The following ISCA2 variants were observed in gnomAD, a reference collection of about 807,000 sequenced individuals.
ISCA2 encodes the protein iron-sulfur cluster assembly 2 homolog, mitochondrial.
A neutral mutation model predicts 19.1 loss-of-function variants in ISCA2; 21 were observed. The observed-to-expected ratio is 1.10, with a 90% CI of 0.78 to 1.59. The LOEUF (loss-of-function observed/expected upper bound fraction) is 1.59. ISCA2 is among the 40% of genes most tolerant of loss of function. ISCA2 has a pLI of 0.00. For synonymous variants in ISCA2, 107 were observed against 83.8 expected (o/e 1.28, Z -1.51); for missense variants, 181 against 191.7 (o/e 0.94, Z 0.33).
At chr14:74,494,445 C>G (rs2086822818) in intron 3 of ISCA2, 55 bp downstream of exon 3, 4 of 1,297,096 alleles carry the variant, frequency 3.1e-6, no homozygotes, top group African/African-American at 1.5e-5. Context: ...AAAAGTGTCT[C>G]CAGTTTAAGG....
In ISCA2 at chr14:74,494,898, G is replaced by T; in HGVS notation, c.363G>T (p.Val121=). ...DSLAFVKGAQ[V]DFSQELIRSS... ...TGGCCTTCGTGAAAGGGGCCCAGGT[G>T]GACTTCAGCCAAGAACTGATCCGAA... Residue 121 remains valine (V), a synonymous_variant, in exon 4 of 4, where the codon GTG becomes GTT. Transcript: ENST00000556816. The T allele has an allele frequency of 6.2e-7, 1 of 1,614,068 alleles. No homozygotes were observed. The highest frequency in any genetic ancestry group is 1.3e-5 in the African/African-American group (1 of 75,032).
rs1387724988 is a variant in ISCA2, at chr14:74,493,802, A to T, written c.28A>T (p.Thr10Ser). The T allele has an allele frequency of 6.5e-7, 1 of 1,539,382 alleles. No homozygotes were observed. Among genetic ancestry groups the T allele is most frequent in the Non-Finnish European group, 8.7e-7 (1 of 1,146,242 alleles). The change falls in exon 1 of 4, where the codon ACG (threonine) becomes TCG (serine). Residue 10 changes from threonine to serine, a missense_variant. Physicochemically the swap from Thr to Ser is moderately conservative, Grantham distance 58. Coordinates refer to ENST00000556816, the MANE Select transcript of ISCA2 (RefSeq NM_194279.4). This position sits in a 1 kb window ranked among gnomAD's most constrained non-coding sequence, Gnocchi z 4.1. ...GGCTGCCGCCTGGGGGTCGTCCCTAACGGCCGCGACGCAGAGAGCGGTCAC... is the reference window on the plus strand; with the variant it reads ...GGCTGCCGCCTGGGGGTCGTCCCTATCGGCCGCGACGCAGAGAGCGGTCAC... Reference protein sequence around the residue: MAAAWGSSLTAATQRAVTPW... With the variant: MAAAWGSSLSAATQRAVTPW...
chr14:74,496,564 G>T lies in ISCA2; in HGVS notation c.*1564G>T, dbSNP rs1354502433. ...AGTACCTGCGCCTGATAGGGTTTCA[G>T]TTCAGACTACCTGTCCTTTCATCCT... On this transcript the variant is annotated 3_prime_UTR_variant, in exon 4 of 4. Coordinates refer to ENST00000556816, the MANE Select transcript of ISCA2 (RefSeq NM_194279.4). 1.3e-5 allele frequency: 2 copies of T among 152,168 alleles called. No homozygotes were observed. The highest frequency in any genetic ancestry group is 2.9e-5 in the Non-Finnish European group (2 of 68,044). 9.4% of individuals were successfully genotyped at this position (152,168 alleles called of 1,614,324 possible).
chr14:74,493,863 G>A lies in ISCA2; in HGVS notation c.71+18G>A, dbSNP rs1189835599. The A allele has an allele frequency of 9.6e-6, 15 of 1,555,336 alleles. No homozygotes were observed. The Admixed American group carries it at 1.4e-4, about 14-fold the overall frequency. ...AGGGGCAGGTACCAAGACTAGAAAG[G>A]CACCTGGAAAGGGTGTTTGGTTCTG... On this transcript the variant is annotated intron_variant, in intron 1 of 3. Transcript: ENST00000556816. The surrounding 1 kb of genome is among the most constrained non-coding windows in gnomAD (Gnocchi z 4.1).
chr14:74,494,947 C>CTTGAGGATTG lies in ISCA2; in HGVS notation c.412_413insTTGAGGATTG (p.Pro138LeufsTer23). On this transcript the variant is annotated frameshift_variant, in exon 4 of 4. Coordinates refer to ENST00000556816, the MANE Select transcript of ISCA2 (RefSeq NM_194279.4). LOFTEE classifies it high-confidence loss of function. Reference sequence around the variant, plus strand: ...AAGCTCATTTCAAGTGTTGAACAATCCTCAAGCACAGCAAGGCTGCTCCTG... The same window carrying CTTGAGGATTG: ...AAGCTCATTTCAAGTGTTGAACAATCTTGAGGATTGCTCAAGCACAGCAAGGCTGCTCCTG... 6.2e-7 allele frequency: 1 copy of CTTGAGGATTG among 1,613,844 alleles called. No homozygotes were observed. Among genetic ancestry groups the CTTGAGGATTG allele is most frequent in the Non-Finnish European group, 8.5e-7 (1 of 1,180,012 alleles).
chr14:74,494,133 T>A lies in ISCA2; in HGVS notation c.155T>A (p.Leu52His). 6.3e-7 allele frequency: 1 copy of A among 1,587,262 alleles called. No individual in the cohort carries two copies. The highest frequency in any genetic ancestry group is 1.1e-5 in the South Asian group (1 of 88,158). ...SPEAGEGQIR[L>H]TDSCVQRLLE... ...GAGGCCGGCGAAGGGCAGATCCGCCTCACAGACAGTTGCGTCCAGGTAGGA... is the reference window on the plus strand; with the variant it reads ...GAGGCCGGCGAAGGGCAGATCCGCCACACAGACAGTTGCGTCCAGGTAGGA... The change falls in exon 2 of 4, where the codon CTC becomes CAC. Residue 52 changes from leucine (L) to histidine (H), a missense_variant. By Grantham distance (99) the Leu-to-His change is moderately conservative. Coordinates refer to ENST00000556816, the MANE Select transcript of ISCA2 (RefSeq NM_194279.4).
intron 3 of ISCA2, 90 bp downstream of exon 3, chr14:74,494,480 G>C: frequency 1.1e-6 from 1 of 926,532 alleles, no homozygotes; most frequent in South Asian, 1.4e-5. Context: ...AAATTTAAAG[G>C]GTTTACCTGG....
rs1006959487 is a variant in ISCA2, at chr14:74,495,671, G to C, written c.*671G>C. 5 of 152,172 alleles carry C rather than the reference G, an allele frequency of 3.3e-5. No individual in the cohort carries two copies. The highest frequency in any genetic ancestry group is 1.2e-4 in the African/African-American group (5 of 41,442). The allele number at this position is 152,172 out of a possible 1,614,324, so 9.4% of individuals were successfully genotyped here. ...CAAAAATAGCCTCCCTACTCATACAGACATTTTAAGATTCTGTGACAATTT... is the reference window on the plus strand; with the variant it reads ...CAAAAATAGCCTCCCTACTCATACACACATTTTAAGATTCTGTGACAATTT... On this transcript the variant is annotated 3_prime_UTR_variant, in exon 4 of 4. Transcript: ENST00000556816.
intron 3 of ISCA2, 48 bp from the exon 4 acceptor site, chr14:74,494,777 CT>C (rs781470563): frequency 1.3e-6 from 2 of 1,562,236 alleles, no homozygotes; most frequent in Non-Finnish European, 1.8e-6. Flanking sequence ...CAGGGGGTGT[CT>C]TTTTTGTGTT....
At chr14:74,494,739 G>A in intron 3 of ISCA2, 87 bp from the exon 4 acceptor site, 1 of 1,190,704 alleles carries the variant, frequency 8.4e-7, no homozygotes, top group South Asian at 1.4e-5. Flanking sequence ...CTGTACTTTA[G>A]AAAACAGAGG....
chr14:74,494,553 GTAAC>G (rs1188730127), intron 3 of ISCA2, 163 bp downstream of exon 3: 1 of 652,396 alleles, frequency 1.5e-6, no homozygotes, highest in Non-Finnish European at 2.6e-6. Context: ...CTGAATCAAA[GTAAC>G]TAAGTTATAG....
In ISCA2 at chr14:74,494,324, A is replaced by T; in HGVS notation, c.224A>T (p.Glu75Val). 6.2e-7 allele frequency: 1 copy of T among 1,614,164 alleles called. No individual in the cohort carries two copies. Among genetic ancestry groups the T allele is most frequent in the Non-Finnish European group, 8.5e-7 (1 of 1,179,998 alleles). The change falls in exon 3 of 4, where the codon GAG becomes GTG. Residue 75 changes from glutamate (E) to valine (V), a missense_variant. By Grantham distance (121) the Glu-to-Val change is moderately radical. Transcript: ENST00000556816. ...EGSEFLRLQV[E>V]GGGCSGFQYK... is the part of the protein sequence containing the mutation. Reference sequence around the variant, plus strand: ...TCAGAATTCCTCAGGCTGCAAGTGGAGGGAGGTGGATGCTCCGGATTCCAA... The same window carrying T: ...TCAGAATTCCTCAGGCTGCAAGTGGTGGGAGGTGGATGCTCCGGATTCCAA...
chr14:74,494,437 A>C, intron 3 of ISCA2, 47 bp downstream of exon 3: 1 of 1,347,744 alleles, frequency 7.4e-7, no homozygotes, highest in Non-Finnish European at 1.1e-6. Flanking sequence ...GGAGGGACAA[A>C]AGTGTCTCCA....
In ISCA2 at chr14:74,494,961, A is replaced by G. The variant is rs2086831769; in HGVS notation, c.426A>G (p.Gln142=). 6.2e-7 allele frequency: 1 copy of G among 1,613,428 alleles called. No individual in the cohort carries two copies. Among genetic ancestry groups the G allele is most frequent in the Non-Finnish European group, 8.5e-7 (1 of 1,180,028 alleles). Reference sequence around the variant, plus strand: ...TGTTGAACAATCCTCAAGCACAGCAAGGCTGCTCCTGTGGGTCATCTTTCT... The same window carrying G: ...TGTTGAACAATCCTCAAGCACAGCAGGGCTGCTCCTGTGGGTCATCTTTCT... ...FQVLNNPQAQ[Q]GCSCGSSFSI... is the part of the protein sequence containing the mutation. The change falls in exon 4 of 4, where the codon CAA becomes CAG. Residue 142 remains glutamine, a synonymous_variant. Transcript: ENST00000556816.
At position 74,494,351 on chromosome 14, in the gene ISCA2, A is replaced by T. The variant is rs2086821314; in HGVS notation, c.251A>T (p.Tyr84Phe). Residue 84 changes from tyrosine (Y) to phenylalanine (F), a missense_variant, in exon 3 of 4, where the codon TAC (tyrosine) becomes TTC (phenylalanine). Transcript: ENST00000556816. ...GGAGGTGGATGCTCCGGATTCCAAT[A>T]CAAATTTTCACTGGATACAGTTATC... ...VEGGGCSGFQ[Y>F]KFSLDTVINP... The T allele has an allele frequency of 6.2e-7, 1 of 1,614,026 alleles. No homozygotes were observed. The highest frequency in any genetic ancestry group is 8.5e-7 in the Non-Finnish European group (1 of 1,179,990).
At position 74,495,146 on chromosome 14, in the gene ISCA2, A is replaced by G. The variant is rs769933767; in HGVS notation, c.*146A>G. On this transcript the variant is annotated 3_prime_UTR_variant, in exon 4 of 4. Transcript: ENST00000556816. ...AGGAGTGTTATGTTTTGCCACTATT[A>G]TTTTCAGAATGTGAAGATTTTACTC... 1.7e-5 allele frequency: 11 copies of G among 640,578 alleles called. No homozygotes were observed. The highest frequency in any genetic ancestry group is 6.3e-5 in the Admixed American group (2 of 31,892). 39.7% of individuals were successfully genotyped at this position (640,578 alleles called of 1,614,324 possible). A position where few individuals can be genotyped will look rare whatever the true frequency, so the allele number is the denominator to read the frequency against.
rs749204464 is a variant in ISCA2, at chr14:74,494,828, T to TA, written c.294dup (p.Phe99IlefsTer2). ...ATGCCTTCCTCCTGTCTTTTCAGGG[T>TA]ATTTGAACAGGGTGGGGCAAGAGTG... On this transcript the variant is annotated frameshift_variant, in exon 4 of 4. Transcript: ENST00000556816. LOFTEE classifies it high-confidence loss of function. 1 of 1,613,848 alleles carries TA rather than the reference T, an allele frequency of 6.2e-7. No homozygotes were observed. The highest frequency in any genetic ancestry group is 8.5e-7 in the Non-Finnish European group (1 of 1,179,852).
rs1259664849 is a variant in ISCA2, at chr14:74,495,941, T to G, written c.*941T>G. 6.6e-6 allele frequency: 1 copy of G among 152,238 alleles called. No individual in the cohort carries two copies. Among genetic ancestry groups the G allele is most frequent in the Non-Finnish European group, 1.5e-5 (1 of 68,042 alleles). 9.4% of individuals were successfully genotyped at this position (152,238 alleles called of 1,614,324 possible). On this transcript the variant is annotated 3_prime_UTR_variant, in exon 4 of 4. Coordinates refer to ENST00000556816, the MANE Select transcript of ISCA2 (RefSeq NM_194279.4). Reference sequence around the variant, plus strand: ...TATACTAAAAATTACTATTTGAAATTCAAATTTAACTCATATTTTTATTTG... The same window carrying G: ...TATACTAAAAATTACTATTTGAAATGCAAATTTAACTCATATTTTTATTTG...
intron 2 of ISCA2, 24 bp downstream of exon 2, chr14:74,494,176 C>T (rs763475497): frequency 1.3e-6 from 2 of 1,585,666 alleles, no homozygotes; most frequent in African/African-American, 1.3e-5. Flanking sequence ...CGCGGAGCGG[C>T]GGTACCCAGG....
Sources: allele counts gnomAD v4.1 joint callset, GRCh38; gene constraint gnomAD v4.1.1; non-coding constraint Gnocchi (gnomAD v3.1); transcripts MANE v1.5; gene names NCBI Gene and HGNC (gene_info 2026-07-23, HGNC 2026-07-21).